P2RX1: variants seen among roughly 807,000 people sequenced by gnomAD.
P2RX1 encodes the protein purinergic receptor P2X 1.
In P2RX1, 42 loss-of-function variants were observed where a neutral mutation model predicts 50.3. That is an observed-to-expected ratio of 0.83 (90% confidence interval 0.65 to 1.08). The LOEUF (loss-of-function observed/expected upper bound fraction) is 1.08. P2RX1 is among the 50% of genes least tolerant of loss of function. The probability of loss-of-function intolerance (pLI) is 0.00; values close to 1 mark genes in which losing one functional copy is unlikely to be tolerated. For synonymous variants in P2RX1, 199 were observed against 202.6 expected (o/e 0.98, Z 0.15); for missense variants, 449 against 529.0 (o/e 0.85, Z 1.48).
chr17:3,904,289 AGCCGG>A, intron 4 of P2RX1, 36 bp downstream of exon 4: 1 of 1,585,242 alleles, frequency 6.3e-7, no homozygotes, highest in African/African-American at 1.3e-5. Flanking sequence ...CAGGGACCGC[AGCCGG>A]GGGACTGTGG....
At chr17:3,909,638 G>A (rs1042545119) in intron 1 of P2RX1, among the ~76,000 whole-genome samples, 1 of 152,106 alleles carries the variant, frequency 6.6e-6, no homozygotes, top group Non-Finnish European at 1.5e-5. Flanking sequence ...CCTGAGGCCA[G>A]GAGTTAGAGA....
chr17:3,901,072 T>A (rs537437594), intron 7 of P2RX1, among the ~76,000 whole-genome samples: 1 of 151,910 alleles, frequency 6.6e-6, no homozygotes, highest in Non-Finnish European at 1.5e-5. Context: ...GGAGATTTTT[T>A]TTTTCTTTTT....
rs1314739532 is a variant in P2RX1, at chr17:3,904,911, C to T, written c.304G>A (p.Val102Ile). 3 of 1,592,454 alleles carry T rather than the reference C, an allele frequency of 1.9e-6. No homozygotes were observed. Among genetic ancestry groups the T allele is most frequent in the Admixed American group, 1.8e-5 (1 of 55,906 alleles). Residue 102 changes from valine to isoleucine, a missense_variant, in exon 3 of 12, where the codon GTC becomes ATC. Physicochemically the swap from Val to Ile is conservative, Grantham distance 29 (BLOSUM62 3). Transcript: ENST00000225538. ...FPAQGDNSFVVMTNFIVTPKQ... is the reference protein window; with the variant it reads ...FPAQGDNSFVIMTNFIVTPKQ... ...GGGGTCACGATGAAATTGGTCATGA[C>T]CACGAAGGAGTTGTCCCCCTAGAAG...
intron 4 of P2RX1, 89 bp downstream of exon 4, chr17:3,904,241 G>T: frequency 7.7e-7 from 1 of 1,302,252 alleles, no homozygotes. Flanking sequence ...GGGGTGTGGA[G>T]AGAGGCAGGT....
rs770246750 is a variant in P2RX1 at position 3,900,379 on chromosome 17, G to A, written c.748-618C>T. ...TGAGGCAGGAGAATCATTTGAACCC[G>A]AGAGACAGAGGTTGCAGTGAGCCGA... On this transcript the variant is annotated intron_variant, in intron 7 of 11. Coordinates refer to ENST00000225538, the MANE Select transcript of P2RX1 (RefSeq NM_002558.4). 4.6e-5 allele frequency among the ~76,000 whole-genome samples: 7 copies of A among 151,642 alleles called. No homozygotes were observed. The South Asian group carries it at 6.3e-4, about 14-fold the overall frequency.
intron 1 of P2RX1, among the ~76,000 whole-genome samples, chr17:3,911,745 C>T (rs1353681322): frequency 6.6e-6 from 1 of 152,224 alleles, no homozygotes; most frequent in Non-Finnish European, 1.5e-5. Flanking sequence ...CCTTGGGCTC[C>T]TTTTATGGCC....
rs2056413275 is a variant in P2RX1, at chr17:3,914,312, A to G, written c.137+1777T>C. 6.6e-6 allele frequency among the ~76,000 whole-genome samples: 1 copy of G among 151,536 alleles called. No homozygotes were observed. The highest frequency in any genetic ancestry group is 2.4e-5 in the African/African-American group (1 of 41,224). On this transcript the variant is annotated intron_variant, in intron 1 of 11. Coordinates refer to ENST00000225538, the MANE Select transcript of P2RX1 (RefSeq NM_002558.4). The surrounding 1 kb of genome is among the most constrained non-coding windows in gnomAD (Gnocchi z 4.1). ...CGAGAAGGGCCACATCCATTTGGAAACTGATTAGACAGTCTTGGGAGGGAA... is the reference window on the plus strand; with the variant it reads ...CGAGAAGGGCCACATCCATTTGGAAGCTGATTAGACAGTCTTGGGAGGGAA...
At position 3,916,356 on chromosome 17, in the gene P2RX1, T is replaced by A. The variant is rs569267251; in HGVS notation, c.-131A>T. On this transcript the variant is annotated 5_prime_UTR_variant, in exon 1 of 12. Coordinates refer to ENST00000225538, the MANE Select transcript of P2RX1 (RefSeq NM_002558.4). ...TGGCCCCTTAGGAAGAGCAGGGCGG[T>A]GCAGGTGGAGCCAGAGGACAGGAGC... 146 of 1,050,728 alleles carry A rather than the reference T, an allele frequency of 1.4e-4. 1 individual carries two copies. In the South Asian group the frequency reaches 2.1e-3, roughly 15 times the overall value. 65.1% of individuals were successfully genotyped at this position (1,050,728 alleles called of 1,614,324 possible).
intron 1 of P2RX1, among the ~76,000 whole-genome samples, chr17:3,911,491 C>T (rs926348471): frequency 1.3e-5 from 2 of 152,184 alleles, no homozygotes; most frequent in South Asian, 2.1e-4. Context: ...GCCGGGGTGA[C>T]GACATCTGTC....
At chr17:3,901,335 G>A (rs946694102) in intron 7 of P2RX1, among the ~76,000 whole-genome samples, 4 of 152,226 alleles carry the variant, frequency 2.6e-5, no homozygotes, top group Non-Finnish European at 5.9e-5. Flanking sequence ...CCAAAGTGCT[G>A]GGATTACAGG....
rs565772415 is a variant in P2RX1 at position 3,899,832 on chromosome 17, G to C, written c.748-71C>G. ...AACCCCTGTCTCAGCCGGGCGCAGTGGCTCACACCTGTAATCCCAGCACTT... is the reference window on the plus strand; with the variant it reads ...AACCCCTGTCTCAGCCGGGCGCAGTCGCTCACACCTGTAATCCCAGCACTT... On this transcript the variant is annotated intron_variant, in intron 7 of 11. Transcript: ENST00000225538. 277 of 1,578,766 alleles carry C rather than the reference G, an allele frequency of 1.8e-4. 1 individual carries two copies. In the African/African-American group the frequency reaches 2.5e-3, roughly 14 times the overall value.
chr17:3,903,237 C>T lies in P2RX1; in HGVS notation c.712G>A (p.Glu238Lys), dbSNP rs1177444230. 3 of 1,614,174 alleles carry T rather than the reference C, an allele frequency of 1.9e-6. No homozygotes were observed. Among genetic ancestry groups the T allele is most frequent in the Non-Finnish European group, 8.5e-7 (1 of 1,180,042 alleles). ...AGGGTGCTGAAGTTCTGGCCTGACT[C>T]TTGCACCACGTAGCCAAGCTGGAAG... ...PVFQLGYVVQ[E>K]SGQNFSTLAE... The change falls in exon 7 of 12, where the codon GAG becomes AAG. Residue 238 changes from glutamate (E) to lysine (K), a missense_variant. Glu to Lys is a moderately conservative substitution (Grantham distance 56). Transcript: ENST00000225538. This position sits in a 1 kb window ranked among gnomAD's most constrained non-coding sequence, Gnocchi z 4.6.
chr17:3,914,287 C>T lies in P2RX1; in HGVS notation c.137+1802G>A, dbSNP rs183626216. ...CTGTGGTCCTGAGCCCCACAGACAC[C>T]GAGAAGGGCCACATCCATTTGGAAA... On this transcript the variant is annotated intron_variant, in intron 1 of 11. Coordinates refer to ENST00000225538, the MANE Select transcript of P2RX1 (RefSeq NM_002558.4). This position sits in a 1 kb window ranked among gnomAD's most constrained non-coding sequence, Gnocchi z 4.1. 1.1e-4 allele frequency among the ~76,000 whole-genome samples: 17 copies of T among 152,154 alleles called. 1 individual carries two copies. The highest frequency in any genetic ancestry group is 8.5e-4 in the Admixed American group (13 of 15,284).
chr17:3,906,629 G>A (rs554160279), intron 1 of P2RX1, among the ~76,000 whole-genome samples: 44 of 152,342 alleles, frequency 2.9e-4, no homozygotes, highest in Middle Eastern at 3.4e-3. Flanking sequence ...CCAGCCCCTC[G>A]GTCGAGGCAC....
intron 1 of P2RX1, among the ~76,000 whole-genome samples, chr17:3,907,989 C>T (rs745428163): frequency 2.0e-5 from 3 of 152,246 alleles, no homozygotes; most frequent in South Asian, 4.1e-4. Flanking sequence ...TTGCCCAAAA[C>T]GAACTTTCTA....
rs1386383190 is a variant in P2RX1 at position 3,903,417 on chromosome 17, G to A, written c.606-74C>T. The A allele has an allele frequency of 4.4e-6, 7 of 1,599,344 alleles. No individual in the cohort carries two copies. The highest frequency in any genetic ancestry group is 3.3e-5 in the South Asian group (3 of 90,418). ...TGCCCACCACGCCCCAAAGCCTGGG[G>A]ACCCCTCACAGGCTCCACATTGCCC... On this transcript the variant is annotated intron_variant, in intron 6 of 11. Transcript: ENST00000225538. The surrounding 1 kb of genome is among the most constrained non-coding windows in gnomAD (Gnocchi z 4.6).
intron 2 of P2RX1, 74 bp from the exon 3 acceptor site, chr17:3,905,003 C>T (rs563542430): frequency 3.2e-6 from 4 of 1,237,126 alleles, no homozygotes; most frequent in East Asian, 2.5e-5. Flanking sequence ...CCCACCGCTG[C>T]CCCAGCAGAG....
At chr17:3,905,187 G>A in intron 2 of P2RX1, 33 bp downstream of exon 2, 3 of 1,608,538 alleles carry the variant, frequency 1.9e-6, no homozygotes, top group Non-Finnish European at 2.5e-6. Context: ...GACAGGCCCT[G>A]TGAGGGGAAG....
chr17:3,903,927 C>A lies in P2RX1; in HGVS notation c.524+1G>T. The stretch of plus-strand genomic sequence containing the variant: ...AGCTCTCTGGAAGGTCAGAGTGTTA[C>A]CGCGGGATGTCGTCATCCACCTCCA... On this transcript the variant is annotated splice_donor_variant, in intron 5 of 11. Transcript: ENST00000225538. LOFTEE classifies it high-confidence loss of function. The surrounding 1 kb of genome is among the most constrained non-coding windows in gnomAD (Gnocchi z 4.6). The A allele has an allele frequency of 2.5e-6, 4 of 1,611,122 alleles. No homozygotes were observed. In the South Asian group the frequency reaches 3.3e-5, roughly 13 times the overall value.
Sources: allele counts gnomAD v4.1 joint callset (sites outside exome capture counted in the v4.1 genomes callset), GRCh38; gene constraint gnomAD v4.1.1; non-coding constraint Gnocchi (gnomAD v3.1); transcripts MANE v1.5; gene names NCBI Gene and HGNC (gene_info 2026-07-23, HGNC 2026-07-21).